Variants in MYOM1 observed in about 807,000 individuals in gnomAD.
MYOM1 encodes the protein myomesin 1, also known as myomesin-1.
A neutral mutation model predicts 205.3 loss-of-function variants in MYOM1; 164 were observed. That is an observed-to-expected ratio of 0.80 (90% CI 0.70 to 0.91). The LOEUF is 0.91. MYOM1 is among the 40% of genes least tolerant of loss of function. The pLI, the probability that MYOM1 is intolerant of heterozygous loss-of-function variation, is 0.00. For synonymous variants in MYOM1, 772 were observed against 789.4 expected (o/e 0.98, Z 0.37); for missense variants, 2,011 against 2,127.3 (o/e 0.95, Z 1.08).
the MYOM1 span, among the ~76,000 whole-genome samples, chr18:3,234,415 G>A: frequency 6.6e-6 from 1 of 152,200 alleles, no homozygotes; most frequent in Non-Finnish European, 1.5e-5. Context: ...CCAAAAGCTG[G>A]AAACGTTCAT....
chr18:3,142,279 G>T (rs114313271), intron 13 of MYOM1, among the ~76,000 whole-genome samples: 5 of 151,686 alleles, frequency 3.3e-5, no homozygotes, highest in Non-Finnish European at 1.5e-5. Flanking sequence ...TTTTTGGAGG[G>T]GGGGAAGGGT....
intron 2 of MYOM1, among the ~76,000 whole-genome samples, chr18:3,198,423 A>G (rs1168287358): frequency 6.6e-6 from 1 of 152,194 alleles, no homozygotes; most frequent in Non-Finnish European, 1.5e-5. Flanking sequence ...GGTCTCAGTG[A>G]TTTTTATATT....
chr18:3,149,150 G>C lies in MYOM1; in HGVS notation c.1895C>G (p.Pro632Arg). The C allele has an allele frequency of 6.2e-7, 1 of 1,613,868 alleles. No individual in the cohort carries two copies. The highest frequency in any genetic ancestry group is 8.5e-7 in the Non-Finnish European group (1 of 1,179,792). The part of the protein sequence containing the change: ...TGQIIVTEEE[P>R]SEGIVPGPPT... ...GGGGCAACCAGACTTCTTACCTGAA[G>C]GTTCCTCTTCAGTAACAATGATCTG... Residue 632 changes from proline (P) to arginine (R), a missense_variant, in exon 13 of 38, where the codon CCT (proline) becomes CGT (arginine). Transcript: ENST00000356443.
chr18:3,090,713 G>GATTTTT lies in MYOM1; in HGVS notation c.3953_3954insAAAAAT (p.Phe1318delinsLeuLysIle). The GATTTTT allele has an allele frequency of 6.2e-7, 1 of 1,613,930 alleles. No homozygotes were observed. The highest frequency in any genetic ancestry group is 2.2e-5 in the East Asian group (1 of 44,880). On this transcript the variant is annotated protein_altering_variant, in exon 27 of 38. Transcript: ENST00000356443. ...TAGTTGCTTTTCCATCTTGAAGCTG[G>GATTTTT]AAAGTGTACGTTCCCTCATCCTCAT...
chr18:3,170,132 C>T (rs143180714), intron 8 of MYOM1, among the ~76,000 whole-genome samples: 1 of 152,134 alleles, frequency 6.6e-6, no homozygotes, highest in African/African-American at 2.4e-5. Flanking sequence ...ATGATGGTTA[C>T]CAGAGGCTGG....
In MYOM1 at chr18:3,164,276, A is replaced by G; in HGVS notation, c.1501+2T>C. 3 of 1,612,228 alleles carry G rather than the reference A, an allele frequency of 1.9e-6. No individual in the cohort carries two copies. The highest frequency in any genetic ancestry group is 1.7e-6 in the Non-Finnish European group (2 of 1,179,036). ...GGTGTTTTGTTTTTTGCTAGGACTT[A>G]CCTCGAACAAAGACATAAGCACTAT... On this transcript the variant is annotated splice_donor_variant, in intron 10 of 37. Transcript: ENST00000356443. LOFTEE classifies it high-confidence loss of function.
At chr18:3,173,731 C>T (rs2080593748) in intron 8 of MYOM1, among the ~76,000 whole-genome samples, 1 of 151,784 alleles carries the variant, frequency 6.6e-6, no homozygotes, top group Non-Finnish European at 1.5e-5. Context: ...TTCATAAAAC[C>T]AGCACAAAGC....
Position 3,135,064 on chromosome 18 carries a change from T to A in MYOM1, c.2210-240A>T. On this transcript the variant is annotated intron_variant, in intron 15 of 37. Transcript: ENST00000356443. The surrounding 1 kb of genome is among the most constrained non-coding windows in gnomAD (Gnocchi z 4.1). ...CCTGGGTTCAGGCAATTTTCCCACC[T>A]CAGCCTCCTGAGTAGCTGGAATTAC... 2.3e-6 allele frequency: 1 copy of A among 443,666 alleles called. No homozygotes were observed. The highest frequency in any genetic ancestry group is 4.1e-6 in the Non-Finnish European group (1 of 242,836). The allele number at this position is 443,666 out of a possible 1,614,324, so 27.5% of individuals were successfully genotyped here.
At chr18:3,100,536 C>T (rs959500037) in intron 23 of MYOM1, 110 bp from the exon 24 acceptor site, 3 of 737,160 alleles carry the variant, frequency 4.1e-6, no homozygotes, top group African/African-American at 3.5e-5. Context: ...CTGGACACCT[C>T]CTCTCATCTT....
At chr18:3,146,233 A>T (rs1322952857) in intron 13 of MYOM1, among the ~76,000 whole-genome samples, 1 of 152,106 alleles carries the variant, frequency 6.6e-6, no homozygotes, top group Non-Finnish European at 1.5e-5. Context: ...TCAAAAAATT[A>T]AAATAATGGT....
chr18:3,198,358 G>A (rs1344690501), intron 2 of MYOM1, among the ~76,000 whole-genome samples: 1 of 152,196 alleles, frequency 6.6e-6, no homozygotes, highest in African/African-American at 2.4e-5. Context: ...GGGTTAGGCT[G>A]CATTATTGGT....
intron 23 of MYOM1, among the ~76,000 whole-genome samples, chr18:3,102,130 T>C (rs182806403): frequency 0.011 from 1,701 of 150,270 alleles, 14 homozygotes; most frequent in Non-Finnish European, 0.017. Context: ...GCCTCCCGAG[T>C]AGCTGGGACT....
intron 3 of MYOM1, chr18:3,190,509 T>G (rs1482598985): frequency 2.0e-5 from 3 of 152,234 alleles, no homozygotes; most frequent in African/African-American, 7.2e-5. Context: ...TGTTTCTGAC[T>G]AAATGTAGTG....
At chr18:3,187,857 C>CTTT (rs763218658) in intron 4 of MYOM1, among the ~76,000 whole-genome samples, 6 of 124,218 alleles carry the variant, frequency 4.8e-5, no homozygotes, top group East Asian at 2.0e-4. Flanking sequence ...ATTTCTTTTT[C>CTTT]TTTTTTTTTT....
In MYOM1 at chr18:3,086,127, G is replaced by A. The variant is rs1438280812; in HGVS notation, c.4162C>T (p.His1388Tyr). The change falls in exon 30 of 38, where the codon CAT (histidine) becomes TAT (tyrosine). Residue 1388 changes from histidine to tyrosine, a missense_variant. Coordinates refer to ENST00000356443, the MANE Select transcript of MYOM1 (RefSeq NM_003803.4). ...CTCTCATCTTTGTACCACACAATAT[G>A]AGTCTCCTTCTTAATATTTGCCACC... is the stretch of plus-strand genomic sequence containing the variant. ...CKVANIKKET[H>Y]IVWYKDEREI... 3 of 1,606,462 alleles carry A rather than the reference G, an allele frequency of 1.9e-6. No homozygotes were observed. The highest frequency in any genetic ancestry group is 1.3e-5 in the African/African-American group (1 of 74,788).
chr18:3,141,682 T>C (rs541645188), intron 14 of MYOM1, among the ~76,000 whole-genome samples: 35 of 152,258 alleles, frequency 2.3e-4, no homozygotes, highest in Admixed American at 1.7e-3. Flanking sequence ...TTCTTGTAGG[T>C]GCTATGATGT....
chr18:3,142,213 A>C, intron 13 of MYOM1, 150 bp from the exon 14 acceptor site: 13 of 990,690 alleles, frequency 1.3e-5, no homozygotes, highest in Non-Finnish European at 1.7e-5. Context: ...CCCCCAAAAC[A>C]TCATTCATTC....
chr18:3,193,883 G>C lies in MYOM1; in HGVS notation c.366C>G (p.Ser122Arg). Reference sequence around the variant, plus strand: ...TTTCTTTCTCTTCTCCAGACAGTAGGCTGTGCTTGGCTCTCTTTGGTTTGG... The same window carrying C: ...TTTCTTTCTCTTCTCCAGACAGTAGCCTGTGCTTGGCTCTCTTTGGTTTGG... ...LSPKPKRAKH[S>R]LLSGEEKENL... The change falls in exon 3 of 38, where the codon AGC (serine) becomes AGG (arginine). Residue 122 changes from serine to arginine, a missense_variant. Coordinates refer to ENST00000356443, the MANE Select transcript of MYOM1 (RefSeq NM_003803.4). 6.2e-7 allele frequency: 1 copy of C among 1,613,858 alleles called. No homozygotes were observed. Among genetic ancestry groups the C allele is most frequent in the Non-Finnish European group, 8.5e-7 (1 of 1,179,828 alleles).
intron 29 of MYOM1, among the ~76,000 whole-genome samples, chr18:3,087,130 G>A (rs1002331615): frequency 6.6e-6 from 1 of 152,098 alleles, no homozygotes; most frequent in African/African-American, 2.4e-5. Flanking sequence ...CATTGCTTAC[G>A]ATAAAAATGA....
Sources: gnomAD v4.1 joint callset for allele counts (sites outside exome capture counted in the v4.1 genomes callset) on GRCh38, gnomAD v4.1.1 for gene constraint, Gnocchi (gnomAD v3.1) non-coding constraint, MANE v1.5 for transcripts, NCBI Gene and HGNC (gene_info 2026-07-23, HGNC 2026-07-21) for gene names.